Variants in CDK6 observed in about 807,000 individuals in gnomAD.
CDK6 encodes the protein cyclin dependent kinase 6.
In CDK6, 6 loss-of-function variants were observed where a neutral mutation model predicts 37.1. The ratio of observed to expected loss-of-function variants is 0.16; its 90% CI spans 0.09 to 0.32. The LOEUF is 0.32. CDK6 is among the 10% of genes least tolerant of loss of function. The pLI, the probability that CDK6 is intolerant of heterozygous loss-of-function variation, is 1.00. For missense variants in CDK6, 224 were observed against 418.9 expected, an observed-to-expected ratio of 0.53 and a Z score of 4.06; for synonymous variants, 160 against 161.3, an observed-to-expected ratio of 0.99 and a Z score of 0.06.
At chr7:92,745,419 C>T (rs1300777575) in intron 3 of CDK6, among the ~76,000 whole-genome samples, 3 of 152,142 alleles carry the variant, frequency 2.0e-5, no homozygotes, top group Admixed American at 6.6e-5. Flanking sequence ...TCTACTATGA[C>T]CTCGAGGATT....
intron 5 of CDK6, among the ~76,000 whole-genome samples, chr7:92,639,928 G>C (rs777949575): frequency 6.6e-6 from 1 of 152,166 alleles, no homozygotes. Context: ...GAAAATATAA[G>C]CAAATTCAAA....
rs1795457826 is a variant in CDK6 at position 92,607,639 on chromosome 7, T to C, written c.*7501A>G. The C allele has an allele frequency of 4.3e-6, 1 of 232,838 alleles. No homozygotes were observed. Among genetic ancestry groups the C allele is most frequent in the Non-Finnish European group, 8.5e-6 (1 of 117,900 alleles). The allele number at this position is 232,838 out of a possible 1,614,324, so 14.4% of individuals were successfully genotyped here. On this transcript the variant is annotated 3_prime_UTR_variant, in exon 8 of 8. Transcript: ENST00000424848. ...ACACTTTCTGCCTTCAGTTGTACTT[T>C]CACAGGACTAGTGTGATTCAGAAAT... is the stretch of plus-strand genomic sequence containing the variant.
At chr7:92,799,833 G>C (rs1000802375) in intron 2 of CDK6, among the ~76,000 whole-genome samples, 1 of 152,132 alleles carries the variant, frequency 6.6e-6, no homozygotes, top group South Asian at 2.1e-4. Flanking sequence ...TTCCTATCTG[G>C]ATGGAGCTCT....
intron 3 of CDK6, among the ~76,000 whole-genome samples, chr7:92,754,182 A>G (rs1799256568): frequency 6.6e-6 from 1 of 152,158 alleles, no homozygotes; most frequent in South Asian, 2.1e-4. Flanking sequence ...TCACTTAAAT[A>G]TTTTAAATGG....
intron 5 of CDK6, 76 bp downstream of exon 5, chr7:92,671,350 A>G (rs558305554): frequency 7.4e-4 from 685 of 923,736 alleles, no homozygotes; most frequent in Non-Finnish European, 9.8e-4. Flanking sequence ...TAGAAATGCC[A>G]TGCTGCCACT....
At chr7:92,740,861 C>T (rs1798907315) in intron 3 of CDK6, among the ~76,000 whole-genome samples, 1 of 152,112 alleles carries the variant, frequency 6.6e-6, no homozygotes, top group Non-Finnish European at 1.5e-5. Context: ...TCCTCCTCAC[C>T]TCGTGCCCAG....
intron 4 of CDK6, among the ~76,000 whole-genome samples, chr7:92,713,289 G>T (rs1029271978): frequency 3.3e-5 from 5 of 152,102 alleles, no homozygotes; most frequent in Admixed American, 3.3e-4. Flanking sequence ...ACATAAACCT[G>T]TAAAGTCTTT....
chr7:92,803,522 A>C (rs1800643579), intron 2 of CDK6, among the ~76,000 whole-genome samples: 1 of 152,228 alleles, frequency 6.6e-6, no homozygotes, highest in Non-Finnish European at 1.5e-5. Flanking sequence ...TGGAGAGAGC[A>C]AGCAGGCTCC....
intron 3 of CDK6, among the ~76,000 whole-genome samples, chr7:92,732,812 A>G (rs1481419338): frequency 6.6e-6 from 1 of 152,144 alleles, no homozygotes; most frequent in Non-Finnish European, 1.5e-5. Flanking sequence ...CTCATCTCCC[A>G]TTCCTCACCC....
At position 92,834,691 on chromosome 7, in the gene CDK6, G is replaced by C. The variant is rs900620863; in HGVS notation, c.-367-1001C>G. 1.3e-5 allele frequency among the ~76,000 whole-genome samples: 2 copies of C among 150,236 alleles called. No individual in the cohort carries two copies. The highest frequency in any genetic ancestry group is 4.9e-5 in the African/African-American group (2 of 40,856). ...CCCTTTCAAAGGGTGGGGGGTGGGG[G>C]GTTAAATCCTGCGCCTCCAGGGGTG... On this transcript the variant is annotated intron_variant, in intron 1 of 7. Coordinates refer to ENST00000424848, the MANE Select transcript of CDK6 (RefSeq NM_001145306.2). This position sits in a 1 kb window ranked among gnomAD's most constrained non-coding sequence, Gnocchi z 4.6.
intron 5 of CDK6, among the ~76,000 whole-genome samples, chr7:92,628,065 G>A (rs1160361384): frequency 1.3e-5 from 2 of 152,080 alleles, no homozygotes; most frequent in African/African-American, 2.4e-5. Flanking sequence ...TGCTCCGCAA[G>A]TTTTGATAAT....
rs1768417369 is a variant in CDK6 at position 92,735,704 on chromosome 7, A to G, written c.370-9911T>C. Among the ~76,000 whole-genome samples the G allele has an allele frequency of 2.6e-5, 4 of 152,284 alleles. No individual in the cohort carries two copies. In the South Asian group the frequency reaches 8.3e-4, roughly 32 times the overall value. ...CATAGAAATCTTTTGGTTTTACTTG[A>G]TTGGATGAATCACCCAATAGTCTAT... is the stretch of plus-strand genomic sequence containing the variant. On this transcript the variant is annotated intron_variant, in intron 3 of 7. Coordinates refer to ENST00000424848, the MANE Select transcript of CDK6 (RefSeq NM_001145306.2).
intron 3 of CDK6, among the ~76,000 whole-genome samples, chr7:92,762,080 T>C (rs964053694): frequency 6.6e-6 from 1 of 152,232 alleles, no homozygotes; most frequent in African/African-American, 2.4e-5. Context: ...AGTCAACTCA[T>C]CTTTAGTTTC....
At chr7:92,821,741 T>C (rs895860626) in intron 2 of CDK6, among the ~76,000 whole-genome samples, 1 of 151,542 alleles carries the variant, frequency 6.6e-6, no homozygotes, top group African/African-American at 2.4e-5. Flanking sequence ...ATAATTAGTT[T>C]ATTGCTATGT....
chr7:92,622,924 TGCTTG>T, intron 6 of CDK6, 107 bp downstream of exon 6: 3 of 685,286 alleles, frequency 4.4e-6, no homozygotes, highest in Non-Finnish European at 5.1e-6. Flanking sequence ...CTGCAGCAGC[TGCTTG>T]AAGTAAGAAA....
chr7:92,823,198 G>C (rs554337314), intron 2 of CDK6, among the ~76,000 whole-genome samples: 66 of 150,878 alleles, frequency 4.4e-4, no homozygotes, highest in African/African-American at 1.5e-3. Context: ...TGGTACCACC[G>C]AGTCAGTCAC....
chr7:92,788,346 A>G (rs1800195984), intron 2 of CDK6, among the ~76,000 whole-genome samples: 1 of 152,214 alleles, frequency 6.6e-6, no homozygotes, highest in African/African-American at 2.4e-5. Flanking sequence ...GCAAAGAACC[A>G]CAGGAACACC....
chr7:92,749,970 T>C (rs1332922889), intron 3 of CDK6, among the ~76,000 whole-genome samples: 1 of 152,164 alleles, frequency 6.6e-6, no homozygotes, highest in Non-Finnish European at 1.5e-5. Flanking sequence ...GAGAATAAAA[T>C]GTTAAGAATG....
intron 5 of CDK6, among the ~76,000 whole-genome samples, chr7:92,657,105 T>TA (rs111745062): frequency 3.0e-3 from 439 of 146,126 alleles, no homozygotes; most frequent in Non-Finnish European, 4.5e-3. Context: ...GTTTTTCTCT[T>TA]AAAAAAAAAA....
Sources: gnomAD v4.1 joint callset for allele counts (sites outside exome capture counted in the v4.1 genomes callset) on GRCh38, gnomAD v4.1.1 for gene constraint, Gnocchi (gnomAD v3.1) non-coding constraint, MANE v1.5 for transcripts, NCBI Gene and HGNC (gene_info 2026-07-23, HGNC 2026-07-21) for gene names.